The following SEM1 variants were observed in gnomAD, a reference collection of about 807,000 sequenced individuals.
SEM1 encodes SEM1 26S proteasome subunit.
A neutral mutation model predicts 12.7 loss-of-function variants in SEM1; 3 were observed. The ratio of observed to expected loss-of-function variants is 0.24; its 90% CI spans 0.11 to 0.61. The LOEUF (loss-of-function observed/expected upper bound fraction) is 0.61. SEM1 is among the 20% of genes least tolerant of loss of function. SEM1 has a pLI of 0.88. For synonymous variants in SEM1, 30 were observed against 27.8 expected, an observed-to-expected ratio of 1.08 and a Z score of -0.25; for missense variants, 59 against 81.3, an observed-to-expected ratio of 0.73 and a Z score of 1.06.
At chr7:96,585,548 G>T (rs7790674) in intron 2 of SEM1, among the ~76,000 whole-genome samples, 1 of 152,074 alleles carries the variant, frequency 6.6e-6, no homozygotes. Flanking sequence ...GGGCAATGGC[G>T]GGCGCCCCTC....
chr7:96,538,104 CTT>C (rs1804843043), intron 2 of SEM1, among the ~76,000 whole-genome samples: 1 of 151,742 alleles, frequency 6.6e-6, no homozygotes. Context: ...ATCAGAGACA[CTT>C]ATAATTTCTT....
exon 3 of SEM1, chr7:96,673,612 T>A (rs772049291): frequency 4.8e-6 from 3 of 629,372 alleles, no homozygotes; most frequent in Non-Finnish European, 8.7e-6. Context: ...TCTCTTTGCC[T>A]GAAATGCTGT....
At chr7:96,597,851 T>C (rs1019971529) in intron 2 of SEM1, among the ~76,000 whole-genome samples, 1 of 152,140 alleles carries the variant, frequency 6.6e-6, no homozygotes, top group African/African-American at 2.4e-5. Flanking sequence ...ATTGGTTTCG[T>C]GTGTGTTTTT....
chr7:96,645,819 G>C, intron 2 of SEM1: 1 of 398,468 alleles, frequency 2.5e-6, no homozygotes, highest in African/African-American at 2.1e-5. Flanking sequence ...AACTAGGGGT[G>C]ATGCTTCTGT....
At chr7:96,549,020 A>AAG (rs1272620831) in intron 2 of SEM1, among the ~76,000 whole-genome samples, 1 of 152,128 alleles carries the variant, frequency 6.6e-6, no homozygotes, top group Non-Finnish European at 1.5e-5. Context: ...CTGTCTAGGG[A>AAG]AGAAGTGGCA....
downstream of SEM1, among the ~76,000 whole-genome samples, chr7:96,618,818 G>C (rs1462116496): frequency 6.6e-6 from 1 of 152,058 alleles, no homozygotes; most frequent in African/African-American, 2.4e-5. Flanking sequence ...GTTGTGGCTG[G>C]CATGCACATG....
intron 2 of SEM1, chr7:96,622,714 A>G: frequency 6.8e-6 from 5 of 732,910 alleles, no homozygotes; most frequent in Admixed American, 1.8e-5. Context: ...CTGTTTGACC[A>G]TCTGATCAGT....
intron 1 of SEM1, among the ~76,000 whole-genome samples, chr7:96,494,568 G>A (rs1221952661): frequency 2.0e-5 from 3 of 152,104 alleles, no homozygotes; most frequent in African/African-American, 7.2e-5. Flanking sequence ...CATCCAGAAA[G>A]TTAACCCCAG....
At chr7:96,539,477 C>T (rs573606197) in intron 2 of SEM1, among the ~76,000 whole-genome samples, 73 of 150,716 alleles carry the variant, frequency 4.8e-4, no homozygotes, top group Non-Finnish European at 8.5e-4. Context: ...TTGTGTTGCT[C>T]CTACAATATG....
intron 1 of SEM1, among the ~76,000 whole-genome samples, chr7:96,702,846 C>T (rs2115996785): frequency 6.6e-6 from 1 of 152,268 alleles, no homozygotes; most frequent in South Asian, 2.1e-4. Context: ...AGCACCAGGA[C>T]TACAATGTAG....
exon 2 of SEM1, chr7:96,486,349 C>G: frequency 3.9e-6 from 6 of 1,537,030 alleles, no homozygotes; most frequent in African/African-American, 1.4e-5. Flanking sequence ...GTCTCCTCCC[C>G]CTTTTTATGC....
intron 2 of SEM1, among the ~76,000 whole-genome samples, chr7:96,613,304 A>G (rs1005802896): frequency 3.3e-5 from 5 of 152,228 alleles, no homozygotes; most frequent in African/African-American, 1.2e-4. Context: ...GTATCCGTTC[A>G]TGGATTCTCT....
chr7:96,628,838 G>A (rs1808156179), intron 2 of SEM1, among the ~76,000 whole-genome samples: 1 of 152,158 alleles, frequency 6.6e-6, no homozygotes, highest in Non-Finnish European at 1.5e-5. Context: ...TGGTGTTGAT[G>A]AAATCTCTCC....
At chr7:96,647,208 C>T (rs1042527770) in intron 2 of SEM1, among the ~76,000 whole-genome samples, 1 of 152,048 alleles carries the variant, frequency 6.6e-6, no homozygotes, top group Non-Finnish European at 1.5e-5. Context: ...GCTCTCTTTA[C>T]GTGAGAGATG....
chr7:96,674,538 C>T (rs1789404321), intron 2 of SEM1, among the ~76,000 whole-genome samples: 1 of 151,846 alleles, frequency 6.6e-6, no homozygotes, highest in South Asian at 2.1e-4. Flanking sequence ...GTGGTGCATG[C>T]CTGTGGTCCC....
intron 2 of SEM1, among the ~76,000 whole-genome samples, chr7:96,650,995 G>A (rs1808961908): frequency 6.6e-6 from 1 of 152,130 alleles, no homozygotes; most frequent in Non-Finnish European, 1.5e-5. Context: ...AGTTACTCAT[G>A]GAGAAAAATG....
intron 2 of SEM1, among the ~76,000 whole-genome samples, chr7:96,535,496 A>C (rs973543812): frequency 6.6e-6 from 1 of 151,854 alleles, no homozygotes; most frequent in African/African-American, 2.4e-5. Flanking sequence ...TCAGGGATAC[A>C]TGTGCAGGTT....
intron 2 of SEM1, among the ~76,000 whole-genome samples, chr7:96,607,375 C>A (rs2116220732): frequency 6.6e-6 from 1 of 152,276 alleles, no homozygotes; most frequent in East Asian, 1.9e-4. Context: ...GGAAGGGAAC[C>A]ACTTTCCTGT....
chr7:96,511,780 T>C (rs1803942335), intron 2 of SEM1, among the ~76,000 whole-genome samples: 1 of 152,056 alleles, frequency 6.6e-6, no homozygotes, highest in Non-Finnish European at 1.5e-5. Flanking sequence ...TAAATAGTAT[T>C]TTTTTGATTG....
Sources: gnomAD v4.1 joint callset for allele counts (sites outside exome capture counted in the v4.1 genomes callset) on GRCh38, gnomAD v4.1.1 for gene constraint, MANE v1.5 for transcripts, NCBI Gene and HGNC (gene_info 2026-07-23, HGNC 2026-07-21) for gene names.